SVIL: variants seen among roughly 807,000 people sequenced by gnomAD.
SVIL encodes the protein archvillin.
SVIL carries 101 observed loss-of-function variants against 240.4 expected under a neutral mutation model. The observed-to-expected ratio is 0.42, with a 90% CI of 0.36 to 0.50. The LOEUF (loss-of-function observed/expected upper bound fraction) is 0.50, where lower values mean the gene tolerates loss of function less well. SVIL is among the 20% of genes least tolerant of loss of function. SVIL has a pLI of 0.01. For synonymous variants in SVIL, 999 were observed against 1,100.0 expected (o/e 0.91, Z 1.82); for missense variants, 2,512 against 2,818.7 (o/e 0.89, Z 2.46).
intron 1 of SVIL, among the ~76,000 whole-genome samples, chr10:29,705,719 T>C (rs4749481): frequency 0.17 from 25,865 of 152,070 alleles, 2,513 homozygotes; most frequent in African/African-American, 0.24. Flanking sequence ...CTCCTACTTA[T>C]GAGTGAGAAC....
intron 1 of SVIL, among the ~76,000 whole-genome samples, chr10:29,585,674 C>T (rs1956136720): frequency 6.6e-6 from 1 of 152,140 alleles, no homozygotes; most frequent in African/African-American, 2.4e-5. Context: ...CACACACACA[C>T]ACTCTGAATC....
At chr10:29,550,223 G>T (rs1218879442) in intron 6 of SVIL, among the ~76,000 whole-genome samples, 2 of 151,682 alleles carry the variant, frequency 1.3e-5, no homozygotes, top group Non-Finnish European at 2.9e-5. Context: ...AATCTCTTGT[G>T]GCCAGGAATT....
chr10:29,471,554 T>C (rs1027192045), intron 30 of SVIL, among the ~76,000 whole-genome samples: 1 of 152,222 alleles, frequency 6.6e-6, no homozygotes, highest in Non-Finnish European at 1.5e-5. Context: ...CTCCTGATAT[T>C]TTAATGGTAT....
chr10:29,491,646 A>G (rs1947971135), intron 21 of SVIL, among the ~76,000 whole-genome samples: 1 of 152,170 alleles, frequency 6.6e-6, no homozygotes, highest in Non-Finnish European at 1.5e-5. Context: ...TTGGGGTGGA[A>G]AACCAGACTA....
intron 29 of SVIL, among the ~76,000 whole-genome samples, chr10:29,476,100 A>C (rs1002808122): frequency 1.3e-5 from 2 of 152,254 alleles, no homozygotes; most frequent in African/African-American, 2.4e-5. Context: ...AATAGGAACC[A>C]TCAATGACTA....
At chr10:29,722,355 T>A (rs1434688575) in intron 1 of SVIL, among the ~76,000 whole-genome samples, 2 of 151,370 alleles carry the variant, frequency 1.3e-5, no homozygotes, top group Non-Finnish European at 2.9e-5. Context: ...AAAGTGAGAG[T>A]TTGAGAAACT....
chr10:29,672,049 C>T (rs1289839846), intron 2 of SVIL, among the ~76,000 whole-genome samples: 1 of 152,154 alleles, frequency 6.6e-6, no homozygotes, highest in Non-Finnish European at 1.5e-5. Context: ...GCTAATGAAA[C>T]CTATAGGCTC....
chr10:29,611,704 C>T (rs2479696), intron 1 of SVIL, among the ~76,000 whole-genome samples: 20,500 of 152,098 alleles, frequency 0.13, 1,523 homozygotes, highest in Middle Eastern at 0.22. Flanking sequence ...TCTGCAGAAT[C>T]GTGCAGGTGA....
chr10:29,481,261 C>A (rs566229427), intron 28 of SVIL, among the ~76,000 whole-genome samples: 157 of 150,920 alleles, frequency 1.0e-3, no homozygotes, highest in Middle Eastern at 3.4e-3. Context: ...TGTGTTGATA[C>A]ATGCATCTGT....
At chr10:29,702,316 G>GA (rs9336075) in intron 1 of SVIL, among the ~76,000 whole-genome samples, 107,097 of 151,488 alleles carry the variant, frequency 0.71, 37,869 homozygotes, top group Admixed American at 0.76. Flanking sequence ...AATATTCAAA[G>GA]AAAAAAAATC....
chr10:29,700,990 T>A lies in SVIL; in HGVS notation c.-399-14339A>T, dbSNP rs935685558. 9.3e-4 allele frequency among the ~76,000 whole-genome samples: 141 copies of A among 152,126 alleles called. 1 individual carries two copies. Among genetic ancestry groups the A allele is most frequent in the African/African-American group, 3.3e-3 (135 of 41,420 alleles). ...GGTAGGGCCACCTTCCTCTCCACGCTCCAGCCCTGCCGCCTGTGTTTGAGC... is the reference window on the plus strand; with the variant it reads ...GGTAGGGCCACCTTCCTCTCCACGCACCAGCCCTGCCGCCTGTGTTTGAGC... On this transcript the variant is annotated intron_variant, in intron 1 of 35. Transcript: ENST00000375400.
At chr10:29,529,175 C>CAAAAA (rs66523560) in intron 12 of SVIL, among the ~76,000 whole-genome samples, 4 of 66,058 alleles carry the variant, frequency 6.1e-5, no homozygotes, top group African/African-American at 1.1e-4. Flanking sequence ...GACTCTCTCT[C>CAAAAA]AAAAAAAAAA....
At chr10:29,522,785 G>A (rs1004613958) in intron 15 of SVIL, 150 bp from the exon 16 acceptor site, 4 of 889,840 alleles carry the variant, frequency 4.5e-6, no homozygotes, top group Non-Finnish European at 6.7e-6. Flanking sequence ...TCTGCAGCAC[G>A]CTACACTCTG....
rs201777272 is a variant in SVIL, at chr10:29,584,090, C to G, written c.-200-14778G>C. Among the ~76,000 whole-genome samples the G allele has an allele frequency of 2.4e-4, 36 of 152,210 alleles. No homozygotes were observed. In the East Asian group the frequency reaches 3.9e-3, roughly 16 times the overall value. On this transcript the variant is annotated intron_variant, in intron 1 of 37. Coordinates refer to ENST00000355867, the MANE Select transcript of SVIL (RefSeq NM_021738.3). The stretch of plus-strand genomic sequence containing the variant: ...TGACGAAGGAAGGCTTCCTGGAGGA[C>G]GAGACTGGAGAGCTTACTTGTGGAG...
At chr10:29,696,726 G>T (rs1287248354) in intron 1 of SVIL, among the ~76,000 whole-genome samples, 1 of 148,610 alleles carries the variant, frequency 6.7e-6, no homozygotes, top group African/African-American at 2.5e-5. Context: ...CAACCGCCCC[G>T]TCTGAGAAGT....
chr10:29,728,735 G>A (rs11817315), intron 1 of SVIL, among the ~76,000 whole-genome samples: 2 of 152,138 alleles, frequency 1.3e-5, no homozygotes, highest in Non-Finnish European at 2.9e-5. Flanking sequence ...GGAGCTGAAC[G>A]GGCAGCTGAA....
intron 1 of SVIL, among the ~76,000 whole-genome samples, chr10:29,575,845 T>C (rs1955671334): frequency 6.6e-6 from 1 of 152,168 alleles, no homozygotes; most frequent in African/African-American, 2.4e-5. Context: ...CTAGGATTGA[T>C]TTTTTTAAGG....
At chr10:29,609,638 G>A (rs1015561289) in intron 1 of SVIL, among the ~76,000 whole-genome samples, 7 of 152,156 alleles carry the variant, frequency 4.6e-5, no homozygotes, top group South Asian at 2.1e-4. Flanking sequence ...CTGAGCTTTC[G>A]GGCACCACCA....
chr10:29,493,418 A>C (rs201228421), intron 20 of SVIL, 27 bp from the exon 21 acceptor site: 51 of 1,611,426 alleles, frequency 3.2e-5, no homozygotes, highest in Non-Finnish European at 4.3e-5. Context: ...AAAAGACATA[A>C]GAGTTTTATA....
Sources: gnomAD v4.1 joint callset for allele counts (sites outside exome capture counted in the v4.1 genomes callset) on GRCh38, gnomAD v4.1.1 for gene constraint, MANE v1.5 for transcripts, NCBI Gene and HGNC (gene_info 2026-07-23, HGNC 2026-07-21) for gene names.